PDE7B: variants seen among roughly 807,000 people sequenced by gnomAD.
PDE7B encodes phosphodiesterase 7B.
A neutral mutation model predicts 56.2 loss-of-function variants in PDE7B; 29 were observed. The observed-to-expected ratio is 0.52, with a 90% confidence interval of 0.38 to 0.70. The LOEUF (loss-of-function observed/expected upper bound fraction) is 0.70, where lower values mean the gene tolerates loss of function less well. Ranked by LOEUF, PDE7B falls within the 30% of genes least tolerant of loss-of-function variation. The pLI is 0.00. For missense variants in PDE7B, 490 were observed against 565.0 expected, an observed-to-expected ratio of 0.87 and a Z score of 1.35; for synonymous variants, 197 against 196.9, an observed-to-expected ratio of 1.00 and a Z score of 0.00.
At chr6:135,960,494 T>C (rs1010264809) in intron 2 of PDE7B, among the ~76,000 whole-genome samples, 5 of 152,222 alleles carry the variant, frequency 3.3e-5, no homozygotes, top group Admixed American at 1.3e-4. Flanking sequence ...TAGCCTGATG[T>C]GCCTCAACAA....
intron 2 of PDE7B, among the ~76,000 whole-genome samples, chr6:135,971,733 C>T (rs935889126): frequency 4.6e-5 from 7 of 152,098 alleles, no homozygotes; most frequent in Admixed American, 2.6e-4. Flanking sequence ...ACTCTTTGAC[C>T]CTCAGTTTCC....
intron 2 of PDE7B, among the ~76,000 whole-genome samples, chr6:136,055,054 T>C (rs1417550530): frequency 6.6e-6 from 1 of 152,206 alleles, no homozygotes; most frequent in East Asian, 1.9e-4. Context: ...TCTTTCATTG[T>C]GAGGGTCTGT....
At chr6:135,978,232 T>A (rs1024466950) in intron 2 of PDE7B, among the ~76,000 whole-genome samples, 1 of 152,140 alleles carries the variant, frequency 6.6e-6, no homozygotes, top group Non-Finnish European at 1.5e-5. Context: ...GCAATTGTAA[T>A]ATAGTGGACA....
intron 2 of PDE7B, among the ~76,000 whole-genome samples, chr6:136,095,076 C>T (rs1777450829): frequency 6.6e-6 from 1 of 152,206 alleles, no homozygotes; most frequent in African/African-American, 2.4e-5. Flanking sequence ...TATGATCTCA[C>T]TTTCTTGGCT....
intron 9 of PDE7B, among the ~76,000 whole-genome samples, chr6:136,177,677 C>T (rs969430314): frequency 6.6e-6 from 1 of 151,756 alleles, no homozygotes; most frequent in South Asian, 2.1e-4. Flanking sequence ...CTGCTGGGAG[C>T]AAAAATTTAT....
intron 2 of PDE7B, among the ~76,000 whole-genome samples, chr6:135,961,696 G>T (rs1199179601): frequency 6.6e-6 from 1 of 152,074 alleles, no homozygotes; most frequent in Non-Finnish European, 1.5e-5. Context: ...CCTAGTAAGT[G>T]CTTACTCACC....
intron 2 of PDE7B, among the ~76,000 whole-genome samples, chr6:135,991,092 G>A (rs575717022): frequency 6.6e-6 from 1 of 152,296 alleles, no homozygotes; most frequent in African/African-American, 2.4e-5. Flanking sequence ...TGGGAGTGTA[G>A]CAGTGAGACG....
At chr6:135,912,411 G>A (rs755159311) in intron 1 of PDE7B, among the ~76,000 whole-genome samples, 11 of 152,144 alleles carry the variant, frequency 7.2e-5, no homozygotes, top group Non-Finnish European at 1.2e-4. Context: ...ATGATTTAAA[G>A]TATCCAGGAG....
chr6:136,012,852 C>T (rs914416401), intron 2 of PDE7B: 1 of 152,156 alleles, frequency 6.6e-6, no homozygotes, highest in African/African-American at 2.4e-5. Flanking sequence ...AATTTCCCCC[C>T]TTTTAATTAA....
At chr6:136,190,937 T>G (rs1454984353) in intron 12 of PDE7B, among the ~76,000 whole-genome samples, 1 of 151,816 alleles carries the variant, frequency 6.6e-6, no homozygotes, top group Non-Finnish European at 1.5e-5. Flanking sequence ...TGATCTAAAT[T>G]CGTGAGGTGT....
intron 2 of PDE7B, among the ~76,000 whole-genome samples, chr6:136,067,345 A>G (rs1423598735): frequency 6.6e-6 from 1 of 152,184 alleles, no homozygotes; most frequent in Non-Finnish European, 1.5e-5. Flanking sequence ...GACTTTATTG[A>G]ATTTATTTCT....
intron 3 of PDE7B, among the ~76,000 whole-genome samples, chr6:136,134,631 T>C (rs1027425756): frequency 2.7e-4 from 39 of 142,534 alleles, no homozygotes; most frequent in African/African-American, 1.1e-3. Flanking sequence ...TTTTAAAGCC[T>C]TTTTTCCCCT....
At chr6:136,044,140 C>T (rs1776459177) in intron 2 of PDE7B, 1 of 152,198 alleles carries the variant, frequency 6.6e-6, no homozygotes, top group Non-Finnish European at 1.5e-5. Context: ...TCATGAATCC[C>T]TCCTGAGATT....
chr6:136,157,281 G>T (rs984492810), intron 8 of PDE7B, among the ~76,000 whole-genome samples: 3 of 152,094 alleles, frequency 2.0e-5, no homozygotes, highest in South Asian at 2.1e-4. Flanking sequence ...AGACAAGAGG[G>T]TTCTAGAAAG....
intron 2 of PDE7B, among the ~76,000 whole-genome samples, chr6:136,010,218 G>A (rs529008971): frequency 4.3e-4 from 66 of 152,146 alleles, no homozygotes; most frequent in Non-Finnish European, 7.8e-4. Flanking sequence ...TAATTGCATG[G>A]TTTTGAGCAA....
At position 136,192,161 on chromosome 6, in the gene PDE7B, G is replaced by T. The variant is rs906877099; in HGVS notation, c.*321G>T. 1.1e-5 allele frequency: 4 copies of T among 365,358 alleles called. No individual in the cohort carries two copies. Among genetic ancestry groups the T allele is most frequent in the African/African-American group, 6.2e-5 (3 of 48,338 alleles). 22.6% of individuals were successfully genotyped at this position (365,358 alleles called of 1,614,324 possible). ...CTCCTGCCGTGTCCGCCTTGTTCCG[G>T]GTCGCACTGGAACAGGCAGCAATTC... On this transcript the variant is annotated 3_prime_UTR_variant, in exon 13 of 13. Transcript: ENST00000308191.
chr6:135,917,943 T>A (rs1773988591), intron 1 of PDE7B, among the ~76,000 whole-genome samples: 1 of 152,192 alleles, frequency 6.6e-6, no homozygotes, highest in Admixed American at 6.5e-5. Context: ...GACTCCCAGC[T>A]CTTTGTGGCC....
rs146468202 is a variant in PDE7B, at chr6:135,934,255, T to G, written c.22-13209T>G. Among the ~76,000 whole-genome samples, 586 of 152,302 alleles carry G rather than the reference T, an allele frequency of 3.8e-3. 3 individuals carry two copies. Among genetic ancestry groups the G allele is most frequent in the African/African-American group, 0.013 (553 of 41,568 alleles). Reference sequence around the variant, plus strand: ...AGTGACCTTTATATAATTTTTCTTCTTGGACATTTGAAACACTTTGGTAGT... The same window carrying G: ...AGTGACCTTTATATAATTTTTCTTCGTGGACATTTGAAACACTTTGGTAGT... On this transcript the variant is annotated intron_variant, in intron 1 of 12. Coordinates refer to ENST00000308191, the MANE Select transcript of PDE7B (RefSeq NM_018945.4).
At chr6:136,111,662 G>A (rs570173588) in intron 3 of PDE7B, among the ~76,000 whole-genome samples, 2 of 152,194 alleles carry the variant, frequency 1.3e-5, no homozygotes, top group African/African-American at 2.4e-5. Flanking sequence ...TATCATTCAC[G>A]TCCTTGTTGT....
Sources: allele counts gnomAD v4.1 joint callset (sites outside exome capture counted in the v4.1 genomes callset), GRCh38; gene constraint gnomAD v4.1.1; transcripts MANE v1.5; gene names NCBI Gene and HGNC (gene_info 2026-07-23, HGNC 2026-07-21).